Variants in TCF12 observed in about 807,000 individuals in gnomAD.
The protein encoded by TCF12 is transcription factor 12, also known as DNA-binding protein HTF4.
Under a neutral mutation model 86.0 loss-of-function variants are expected in TCF12, and 45 were observed. That is an observed-to-expected ratio of 0.52 (90% confidence interval 0.41 to 0.67). The LOEUF (loss-of-function observed/expected upper bound fraction) is 0.67. Among genes scored for constraint, TCF12 ranks in the 30% least tolerant of loss-of-function variants. TCF12 has a pLI of 0.00. For missense variants in TCF12, 881 were observed against 859.9 expected, an observed-to-expected ratio of 1.02 and a Z score of -0.31; for synonymous variants, 330 against 299.6, an observed-to-expected ratio of 1.10 and a Z score of -1.05.
At chr15:57,274,488 C>A (rs1356145656) in intron 19 of TCF12, among the ~76,000 whole-genome samples, 1 of 152,166 alleles carries the variant, frequency 6.6e-6, no homozygotes, top group Non-Finnish European at 1.5e-5. Flanking sequence ...ATTATAGACT[C>A]CCTTGTGATA....
chr15:56,920,479 C>T (rs1488327205), intron 2 of TCF12, among the ~76,000 whole-genome samples: 2 of 88,192 alleles, frequency 2.3e-5, no homozygotes, highest in African/African-American at 8.6e-5. Flanking sequence ...ATTTTATACA[C>T]ACACACACGT....
At chr15:57,204,374 C>T (rs1391030365) in intron 8 of TCF12, among the ~76,000 whole-genome samples, 1 of 151,442 alleles carries the variant, frequency 6.6e-6, no homozygotes, top group African/African-American at 2.4e-5. Flanking sequence ...TCTCTTGATA[C>T]TCCTGAAAGA....
At chr15:57,209,572 C>A (rs1288378066) in intron 8 of TCF12, among the ~76,000 whole-genome samples, 2 of 152,198 alleles carry the variant, frequency 1.3e-5, no homozygotes, top group East Asian at 3.8e-4. Context: ...CATTCGTGGT[C>A]ACCTGTGTAG....
At chr15:57,251,460 T>TTA (rs1315333567) in intron 14 of TCF12, 37 bp downstream of exon 14, 2 of 1,600,002 alleles carry the variant, frequency 1.3e-6, no homozygotes, top group Non-Finnish European at 1.7e-6. Flanking sequence ...ATCTGATAGC[T>TTA]TAGAGTTTGT....
chr15:57,075,859 C>A, intron 4 of TCF12, among the ~76,000 whole-genome samples: 1 of 115,574 alleles, frequency 8.7e-6, no homozygotes, highest in Non-Finnish European at 1.8e-5. Flanking sequence ...TTCTTTCTTT[C>A]TTTCCATTCT....
chr15:56,965,577 TA>T (rs2061965222), intron 3 of TCF12, among the ~76,000 whole-genome samples: 1 of 152,182 alleles, frequency 6.6e-6, no homozygotes, highest in African/African-American at 2.4e-5. Context: ...GCATGTATAT[TA>T]TATCTGGAAA....
rs575421269 is a variant in TCF12, at chr15:57,202,802, A to G, written c.579+4977A>G. On this transcript the variant is annotated intron_variant, in intron 8 of 20. Coordinates refer to ENST00000333725, the MANE Select transcript of TCF12 (RefSeq NM_207037.2). ...TGAGTTCTCGGAACCTCCAGTTTCT[A>G]TTTGTAAAAGGGGATGATAATGCCT... 1.9e-3 allele frequency among the ~76,000 whole-genome samples: 282 copies of G among 152,160 alleles called. 1 individual carries two copies. Among genetic ancestry groups the G allele is most frequent in the African/African-American group, 6.6e-3 (272 of 41,518 alleles).
intron 6 of TCF12, among the ~76,000 whole-genome samples, chr15:57,168,111 A>T (rs2055033334): frequency 1.3e-5 from 2 of 152,228 alleles, no homozygotes; most frequent in South Asian, 4.1e-4. Flanking sequence ...CAGTAGTACA[A>T]GTCCAGCCTG....
intron 5 of TCF12, among the ~76,000 whole-genome samples, chr15:57,123,885 G>A (rs959114213): frequency 3.3e-5 from 5 of 150,630 alleles, no homozygotes; most frequent in Non-Finnish European, 7.4e-5. Flanking sequence ...GCGTGAACCC[G>A]GGTGAACCCG....
intron 3 of TCF12, among the ~76,000 whole-genome samples, chr15:57,042,536 C>T (rs2141465268): frequency 6.6e-6 from 1 of 152,062 alleles, no homozygotes; most frequent in East Asian, 1.9e-4. Flanking sequence ...GCCTCTGCCT[C>T]CCGAGGAGCC....
chr15:56,934,869 C>T (rs1256454731), intron 3 of TCF12, among the ~76,000 whole-genome samples: 7 of 152,074 alleles, frequency 4.6e-5, no homozygotes, highest in Admixed American at 3.9e-4. Flanking sequence ...CAGAATAAGA[C>T]ATTAACTGGG....
At chr15:57,197,234 G>A (rs2733304) in intron 7 of TCF12, among the ~76,000 whole-genome samples, 38,035 of 140,822 alleles carry the variant, frequency 0.27, 5,049 homozygotes, top group African/African-American at 0.3. Flanking sequence ...TTGGCTCACT[G>A]CAACCTCCAT....
chr15:57,289,784 T>C lies in TCF12; in HGVS notation c.*3639T>C, dbSNP rs1446587293. On this transcript the variant is annotated 3_prime_UTR_variant, in exon 21 of 21. Coordinates refer to ENST00000333725, the MANE Select transcript of TCF12 (RefSeq NM_207037.2). The stretch of plus-strand genomic sequence containing the variant: ...AATGAAACAATGTATGGAAAGCTCT[T>C]ATGGTTCTTGTCACCTAAGAAGTAC... The C allele has an allele frequency of 1.3e-5, 2 of 152,172 alleles. No individual in the cohort carries two copies. The highest frequency in any genetic ancestry group is 2.9e-5 in the Non-Finnish European group (2 of 68,028). The allele number at this position is 152,172 out of a possible 1,614,324, so 9.4% of individuals were successfully genotyped here. A position where few individuals can be genotyped will look rare whatever the true frequency, so the allele number is the denominator to read the frequency against.
intron 4 of TCF12, among the ~76,000 whole-genome samples, chr15:57,075,432 C>T (rs567535150): frequency 6.6e-6 from 1 of 152,116 alleles, no homozygotes; most frequent in African/African-American, 2.4e-5. Context: ...TGAGATTCCA[C>T]TATTTCCTTG....
chr15:57,105,328 C>T (rs2050067931), intron 5 of TCF12, among the ~76,000 whole-genome samples: 1 of 152,176 alleles, frequency 6.6e-6, no homozygotes, highest in Non-Finnish European at 1.5e-5. Flanking sequence ...AGTTAAATTG[C>T]AGCTCCCTGG....
intron 4 of TCF12, among the ~76,000 whole-genome samples, chr15:57,081,925 A>C (rs1424693877): frequency 6.6e-6 from 1 of 152,182 alleles, no homozygotes; most frequent in African/African-American, 2.4e-5. Flanking sequence ...GGATGAGTGA[A>C]GATTCGGTAA....
Position 57,223,654 on chromosome 15 carries a change from T to TTTTTTTTTTTTTTG in TCF12, c.580-7485_580-7484insGTTTTTTTTTTTTT, listed in dbSNP as rs2058723140. Reference sequence around the variant, plus strand: ...TGCCTACCAATGAGGTTTTTTTTTTTTTTTTTTTTTTTTTTTTAGAAATAG... The same window carrying TTTTTTTTTTTTTTG: ...TGCCTACCAATGAGGTTTTTTTTTTTTTTTTTTTTTTTTGTTTTTTTTTTTTTTTTTAGAAATAG... On this transcript the variant is annotated intron_variant, in intron 8 of 20. Coordinates refer to ENST00000333725, the MANE Select transcript of TCF12 (RefSeq NM_207037.2). Among the ~76,000 whole-genome samples the TTTTTTTTTTTTTTG allele has an allele frequency of 1.7e-4, 22 of 129,952 alleles. 2 individuals carry two copies. Among genetic ancestry groups the TTTTTTTTTTTTTTG allele is most frequent in the Non-Finnish European group, 2.7e-4 (16 of 60,046 alleles). The allele number at this position is 129,952 out of a possible 152,430, so 85.3% of individuals were successfully genotyped here.
At chr15:57,093,300 C>G (rs1346672076) in intron 5 of TCF12, among the ~76,000 whole-genome samples, 2 of 152,120 alleles carry the variant, frequency 1.3e-5, no homozygotes, top group Non-Finnish European at 2.9e-5. Context: ...CAAATTATTT[C>G]CTTTCGGAGT....
intron 8 of TCF12, among the ~76,000 whole-genome samples, chr15:57,224,510 C>T (rs1220932039): frequency 6.6e-6 from 1 of 152,092 alleles, no homozygotes; most frequent in Non-Finnish European, 1.5e-5. Flanking sequence ...AGGAATTTTT[C>T]TCACAGTTGA....
Sources: allele counts gnomAD v4.1 joint callset (sites outside exome capture counted in the v4.1 genomes callset), GRCh38; gene constraint gnomAD v4.1.1; transcripts MANE v1.5; gene names NCBI Gene and HGNC (gene_info 2026-07-23, HGNC 2026-07-21).